Variants in CEP128 observed in about 807,000 individuals in gnomAD.
The protein encoded by CEP128 is centrosomal protein 128kDa.
A neutral mutation model predicts 156.7 loss-of-function variants in CEP128; 132 were observed. The ratio of observed to expected loss-of-function variants is 0.84; its 90% confidence interval spans 0.73 to 0.97. The LOEUF (loss-of-function observed/expected upper bound fraction) is 0.97, where lower values mean the gene tolerates loss of function less well. Ranked by LOEUF, CEP128 falls within the 50% of genes least tolerant of loss-of-function variation. The probability of loss-of-function intolerance (pLI) is 0.00; values close to 1 mark genes in which losing one functional copy is unlikely to be tolerated. For synonymous variants in CEP128, 469 were observed against 448.9 expected (o/e 1.04, Z -0.57); for missense variants, 1,252 against 1,281.9 (o/e 0.98, Z 0.36).
chr14:80,658,043 A>G (rs901078189), intron 19 of CEP128, among the ~76,000 whole-genome samples: 9 of 152,190 alleles, frequency 5.9e-5, no homozygotes, highest in Admixed American at 5.2e-4. Flanking sequence ...GACCTGTGTT[A>G]CTGTTTATAG....
intron 19 of CEP128, among the ~76,000 whole-genome samples, chr14:80,612,352 A>C (rs1893027030): frequency 6.6e-6 from 1 of 152,222 alleles, no homozygotes; most frequent in Non-Finnish European, 1.5e-5. Context: ...ATGAAAATGA[A>C]GGATTCTAAT....
chr14:80,691,538 GAAAGA>G (rs1156734594), intron 19 of CEP128, among the ~76,000 whole-genome samples: 1 of 152,134 alleles, frequency 6.6e-6, no homozygotes, highest in Non-Finnish European at 1.5e-5. Flanking sequence ...GAGAAAGAAA[GAAAGA>G]AAAGAAAACT....
At chr14:80,560,919 C>A (rs1242601025) in intron 20 of CEP128, among the ~76,000 whole-genome samples, 1 of 152,088 alleles carries the variant, frequency 6.6e-6, no homozygotes, top group Admixed American at 6.6e-5. Flanking sequence ...CCTACTAATT[C>A]TGTCCCTCTA....
chr14:80,920,166 T>C (rs569174226), intron 2 of CEP128, among the ~76,000 whole-genome samples: 23 of 152,342 alleles, frequency 1.5e-4, no homozygotes, highest in African/African-American at 5.5e-4. Flanking sequence ...ATGATTCCCA[T>C]AGCTAACTAA....
chr14:80,943,397 A>G (rs1268230443), upstream of CEP128, among the ~76,000 whole-genome samples: 1 of 152,358 alleles, frequency 6.6e-6, no homozygotes, highest in East Asian at 1.9e-4. Context: ...TGCAGGAGAA[A>G]TGTCTACCAA....
intron 19 of CEP128, among the ~76,000 whole-genome samples, chr14:80,610,736 T>C (rs1352270406): frequency 2.0e-5 from 3 of 152,150 alleles, no homozygotes; most frequent in Non-Finnish European, 4.4e-5. Flanking sequence ...GACTTATGCA[T>C]GTTATTATTC....
At chr14:80,688,227 C>A (rs529627939) in intron 19 of CEP128, among the ~76,000 whole-genome samples, 6 of 152,026 alleles carry the variant, frequency 3.9e-5, no homozygotes, top group Non-Finnish European at 1.5e-5. Context: ...AAAATAGCAA[C>A]AAAAAATGTT....
intron 9 of CEP128, among the ~76,000 whole-genome samples, chr14:80,859,862 A>AT (rs889385814): frequency 1.3e-5 from 2 of 152,200 alleles, no homozygotes; most frequent in Non-Finnish European, 2.9e-5. Context: ...AAACCACAGA[A>AT]TGCCTCCCTG....
chr14:80,699,239 A>C (rs767572235), intron 19 of CEP128, among the ~76,000 whole-genome samples: 24 of 152,196 alleles, frequency 1.6e-4, no homozygotes, highest in Non-Finnish European at 2.8e-4. Flanking sequence ...CCATGCTGCC[A>C]AGACGTGCAG....
At chr14:80,662,699 A>G (rs1190648165) in intron 19 of CEP128, among the ~76,000 whole-genome samples, 3 of 152,200 alleles carry the variant, frequency 2.0e-5, no homozygotes, top group Non-Finnish European at 4.4e-5. Flanking sequence ...ATGGGATAAC[A>G]TATCTTTTTT....
intron 19 of CEP128, among the ~76,000 whole-genome samples, chr14:80,586,305 C>A (rs1891820069): frequency 6.6e-6 from 1 of 152,186 alleles, no homozygotes; most frequent in African/African-American, 2.4e-5. Context: ...CATGGTGAAG[C>A]TGCAAAGCTC....
intron 9 of CEP128, among the ~76,000 whole-genome samples, chr14:80,857,506 G>A (rs535968690): frequency 3.3e-5 from 5 of 151,862 alleles, no homozygotes; most frequent in Non-Finnish European, 7.4e-5. Flanking sequence ...GCCAAGGTGG[G>A]CAAATCACTT....
intron 19 of CEP128, among the ~76,000 whole-genome samples, chr14:80,728,807 T>C (rs1898117977): frequency 2.0e-5 from 3 of 152,206 alleles, no homozygotes; most frequent in African/African-American, 7.2e-5. Context: ...ATATCAACAT[T>C]GTAGAACATT....
intron 23 of CEP128, among the ~76,000 whole-genome samples, chr14:80,508,198 G>A (rs922655766): frequency 6.6e-6 from 1 of 152,180 alleles, no homozygotes; most frequent in African/African-American, 2.4e-5. Flanking sequence ...TTACAGGCGT[G>A]AGCCACCGCG....
At chr14:80,639,990 G>GA (rs1894343116) in intron 19 of CEP128, among the ~76,000 whole-genome samples, 1 of 152,106 alleles carries the variant, frequency 6.6e-6, no homozygotes, top group Non-Finnish European at 1.5e-5. Flanking sequence ...CTCACTGAAT[G>GA]AAATTTATAG....
chr14:80,678,049 A>ATATATAT (rs1555390206), intron 19 of CEP128, among the ~76,000 whole-genome samples: 8 of 98,502 alleles, frequency 8.1e-5, no homozygotes, highest in Admixed American at 1.9e-4. Context: ...ATAAAAAAAA[A>ATATATAT]ATATATATAT....
In CEP128 at chr14:80,899,962, T is replaced by A. The variant is rs1170619930; in HGVS notation, c.548A>T (p.Asn183Ile). Residue 183 changes from asparagine to isoleucine, a missense_variant, in exon 7 of 25, where the codon AAC becomes ATC. By Grantham distance (149) the Asn-to-Ile change is moderately radical. Transcript: ENST00000555265. Reference protein sequence around the residue: ...SEQIRLGDDFNRELSRRSRSD... With the variant: ...SEQIRLGDDFIRELSRRSRSD... ...CCGGCTCCTTCTGGAAAGCTCCCTG[T>A]TGAAATCATCTCCAAGGCGAATTTG... The A allele has an allele frequency of 6.2e-7, 1 of 1,613,556 alleles. No homozygotes were observed. Among genetic ancestry groups the A allele is most frequent in the African/African-American group, 1.3e-5 (1 of 74,924 alleles).
At chr14:80,548,755 G>A (rs765714188) in intron 21 of CEP128, among the ~76,000 whole-genome samples, 3 of 152,100 alleles carry the variant, frequency 2.0e-5, no homozygotes, top group African/African-American at 7.2e-5. Context: ...CATCAAATAC[G>A]ACACTGTCAG....
chr14:80,903,205 C>T (rs1222167980), intron 6 of CEP128, among the ~76,000 whole-genome samples: 1 of 152,126 alleles, frequency 6.6e-6, no homozygotes, highest in Non-Finnish European at 1.5e-5. Flanking sequence ...TAAACACACA[C>T]ATTTGCGGTC....
Sources: gnomAD v4.1 joint callset for allele counts (sites outside exome capture counted in the v4.1 genomes callset) on GRCh38, gnomAD v4.1.1 for gene constraint, MANE v1.5 for transcripts, NCBI Gene and HGNC (gene_info 2026-07-23, HGNC 2026-07-21) for gene names.